CLASP1: variants seen among roughly 807,000 people sequenced by gnomAD.
CLASP1 encodes CLIP-associating protein 1.
A neutral mutation model predicts 192.3 loss-of-function variants in CLASP1; 38 were observed. The ratio of observed to expected loss-of-function variants is 0.20; its 90% CI spans 0.15 to 0.26. CLASP1 has a LOEUF of 0.26. Among genes scored for constraint, CLASP1 ranks in the 10% least tolerant of loss-of-function variants. CLASP1 has a pLI of 1.00. For synonymous variants in CLASP1, 691 were observed against 712.8 expected (o/e 0.97, Z 0.49); for missense variants, 1,433 against 1,932.5 (o/e 0.74, Z 4.85).
At chr2:121,574,218 C>T (rs2060247542) in intron 2 of CLASP1, among the ~76,000 whole-genome samples, 1 of 151,862 alleles carries the variant, frequency 6.6e-6, no homozygotes, top group South Asian at 2.1e-4. Context: ...GTCCCAGTTA[C>T]TCGGGAGGCT....
chr2:121,470,293 CTTTT>C (rs70954550), intron 8 of CLASP1: 798 of 307,452 alleles, frequency 2.6e-3, no homozygotes, highest in East Asian at 6.9e-3. Flanking sequence ...ACCATCCATG[CTTTT>C]TTTTTTTTTT....
chr2:121,384,139 T>C (rs532221123), intron 32 of CLASP1, among the ~76,000 whole-genome samples: 244 of 135,950 alleles, frequency 1.8e-3, no homozygotes, highest in African/African-American at 6.3e-3. Flanking sequence ...TATATGTATA[T>C]ATATATACAC....
In CLASP1 at chr2:121,457,407, C is replaced by T. The variant is rs971579719; in HGVS notation, c.1385+280G>A. Among the ~76,000 whole-genome samples the T allele has an allele frequency of 1.1e-4, 17 of 151,818 alleles. No homozygotes were observed. The East Asian group carries it at 2.9e-3, about 26-fold the overall frequency. On this transcript the variant is annotated intron_variant, in intron 14 of 39. Transcript: ENST00000263710. Reference sequence around the variant, plus strand: ...AAAAAAATGTACAGGGAGTCCTCTCCCCTTCTCCTTCTGCCACTAACACCC... The same window carrying T: ...AAAAAAATGTACAGGGAGTCCTCTCTCCTTCTCCTTCTGCCACTAACACCC...
chr2:121,506,157 A>T (rs778347297), intron 7 of CLASP1, among the ~76,000 whole-genome samples: 29 of 152,254 alleles, frequency 1.9e-4, no homozygotes, highest in Admixed American at 5.2e-4. Flanking sequence ...TCAAAGAAGC[A>T]AAGAAAACAT....
In CLASP1 at chr2:121,474,987, C is replaced by A. The variant is rs541488707; in HGVS notation, c.713-5027G>T. Among the ~76,000 whole-genome samples the A allele has an allele frequency of 2.0e-5, 3 of 152,264 alleles. No homozygotes were observed. In the South Asian group the frequency reaches 6.2e-4, roughly 32 times the overall value. Reference sequence around the variant, plus strand: ...ATAGCCTAATAGAAACTACGAAAAGCAAACACATGCACATAAAAACCCCTA... The same window carrying A: ...ATAGCCTAATAGAAACTACGAAAAGAAAACACATGCACATAAAAACCCCTA... On this transcript the variant is annotated intron_variant, in intron 8 of 39. Coordinates refer to ENST00000263710, the Ensembl canonical transcript of CLASP1.
At chr2:121,461,323 A>T (rs995361931) in intron 10 of CLASP1, 130 bp from the exon 11 acceptor site, 4 of 598,800 alleles carry the variant, frequency 6.7e-6, no homozygotes, top group Non-Finnish European at 1.2e-5. Context: ...CCTATGAGAA[A>T]ATATCTGAAC....
At chr2:121,401,483 A>G (rs1309405135) in intron 28 of CLASP1, 26 bp downstream of exon 29, 1 of 1,580,640 alleles carries the variant, frequency 6.3e-7, no homozygotes. Context: ...GTAACATCAA[A>G]ATGGACCTAA....
chr2:121,464,911 T>C (rs1267197059), intron 9 of CLASP1, among the ~76,000 whole-genome samples: 1 of 152,214 alleles, frequency 6.6e-6, no homozygotes, highest in Non-Finnish European at 1.5e-5. Flanking sequence ...AGACATGAAG[T>C]CCTTGCCCAT....
At chr2:121,544,560 GA>G (rs939856483) in intron 2 of CLASP1, among the ~76,000 whole-genome samples, 18 of 151,898 alleles carry the variant, frequency 1.2e-4, no homozygotes, top group Admixed American at 5.2e-4. Flanking sequence ...TTTAAAGGGG[GA>G]AAGGTGCATT....
chr2:121,449,348 CTCATTTAT>C (rs1397168114), intron 16 of CLASP1, among the ~76,000 whole-genome samples: 1 of 152,166 alleles, frequency 6.6e-6, no homozygotes, highest in Non-Finnish European at 1.5e-5. Context: ...CAACCTCAGC[CTCATTTAT>C]AACATGGGAA....
intron 2 of CLASP1, among the ~76,000 whole-genome samples, chr2:121,537,957 T>G (rs2104948559): frequency 6.6e-6 from 1 of 152,318 alleles, no homozygotes; most frequent in Middle Eastern, 3.4e-3. Context: ...CTTCCTTAAC[T>G]TCATAAAGGA....
chr2:121,431,841 T>G (rs987551380), intron 19 of CLASP1, among the ~76,000 whole-genome samples: 3 of 151,838 alleles, frequency 2.0e-5, no homozygotes, highest in African/African-American at 7.3e-5. Context: ...TAACACAAGG[T>G]CTATATTTTT....
At chr2:121,440,084 TA>T (rs151325256) in intron 19 of CLASP1, among the ~76,000 whole-genome samples, 2 of 120,364 alleles carry the variant, frequency 1.7e-5, no homozygotes, top group African/African-American at 7.5e-5. Flanking sequence ...AAAGTATAAT[TA>T]AAAAAAAAAC....
At chr2:121,397,632 A>G (rs1443466274) in intron 29 of CLASP1, among the ~76,000 whole-genome samples, 1 of 152,188 alleles carries the variant, frequency 6.6e-6, no homozygotes, top group African/African-American at 2.4e-5. Context: ...GGGCATGTTC[A>G]GCTCTAGTTT....
intron 2 of CLASP1, among the ~76,000 whole-genome samples, chr2:121,554,454 TAAAAAAAAAA>T (rs56965310): frequency 2.3e-5 from 2 of 87,562 alleles, no homozygotes; most frequent in Non-Finnish European, 2.3e-5. Flanking sequence ...CTACAAAAAG[TAAAAAAAAAA>T]AAAAAAAAAA....
intron 2 of CLASP1, chr2:121,530,782 T>C (rs901813995): frequency 3.3e-5 from 19 of 571,742 alleles, no homozygotes; most frequent in African/African-American, 2.2e-4. Context: ...GGAGGTAAGC[T>C]AGCTACCAGA....
exon 14 of CLASP1, chr2:121,457,719 G>T: frequency 6.2e-7 from 1 of 1,613,218 alleles, no homozygotes; most frequent in Non-Finnish European, 8.5e-7. Context: ...AGGTACAGTT[G>T]CTTGTTATGA....
intron 2 of CLASP1, among the ~76,000 whole-genome samples, chr2:121,535,070 G>A (rs1212693161): frequency 6.6e-6 from 1 of 152,184 alleles, no homozygotes; most frequent in Non-Finnish European, 1.5e-5. Context: ...CTTAGCTTAG[G>A]AGTTCAAGAC....
At chr2:121,573,161 T>C (rs962446592) in intron 2 of CLASP1, among the ~76,000 whole-genome samples, 2 of 152,166 alleles carry the variant, frequency 1.3e-5, no homozygotes, top group Non-Finnish European at 2.9e-5. Flanking sequence ...GGTTTTGCCA[T>C]GTTGCCCAGG....
Sources: allele counts gnomAD v4.1 joint callset (sites outside exome capture counted in the v4.1 genomes callset), GRCh38; gene constraint gnomAD v4.1.1; transcripts MANE v1.5; gene names NCBI Gene and HGNC (gene_info 2026-07-23, HGNC 2026-07-21).